VPS8: variants seen among roughly 807,000 people sequenced by gnomAD.
The protein encoded by VPS8 is vacuolar protein sorting-associated protein 8 homolog.
A neutral mutation model predicts 216.4 loss-of-function variants in VPS8; 129 were observed. The ratio of observed to expected loss-of-function variants is 0.60; its 90% CI spans 0.52 to 0.69. The LOEUF is 0.69. VPS8 is among the 30% of genes least tolerant of loss of function. The pLI, the probability that VPS8 is intolerant of heterozygous loss-of-function variation, is 0.00. For synonymous variants in VPS8, 571 were observed against 565.4 expected, an observed-to-expected ratio of 1.01 and a Z score of -0.14; for missense variants, 1,531 against 1,683.5, an observed-to-expected ratio of 0.91 and a Z score of 1.59.
In VPS8 at chr3:185,051,855, ATG is replaced by A; in HGVS notation, c.4138-15_4138-14del. 1 of 1,574,878 alleles carries A rather than the reference ATG, an allele frequency of 6.3e-7. No individual in the cohort carries two copies. The highest frequency in any genetic ancestry group is 1.2e-5 in the South Asian group (1 of 83,572). Reference sequence around the variant, plus strand: ...CTCTGCTCCCCACAAACCTTAGCTGATGTGTGTCCTTCCTTTGCAGCTGGCTC... The same window carrying A: ...CTCTGCTCCCCACAAACCTTAGCTGATGTGTCCTTCCTTTGCAGCTGGCTC... On this transcript the variant is annotated intron_variant, in intron 47 of 47. Transcript: ENST00000625842.
chr3:184,865,607 G>A (rs569959123), intron 16 of VPS8, among the ~76,000 whole-genome samples: 64 of 152,312 alleles, frequency 4.2e-4, no homozygotes, highest in African/African-American at 1.4e-3. Flanking sequence ...TGGCAAGGAT[G>A]TGGCGATATT....
At chr3:184,869,661 A>C in intron 20 of VPS8, 133 bp downstream of exon 20, 1 of 812,776 alleles carries the variant, frequency 1.2e-6, no homozygotes, top group South Asian at 1.8e-5. Flanking sequence ...ACACACACAC[A>C]GACACACACT....
At chr3:185,003,156 ATT>A (rs57940868) in intron 45 of VPS8, among the ~76,000 whole-genome samples, 2 of 128,494 alleles carry the variant, frequency 1.6e-5, no homozygotes, top group African/African-American at 3.0e-5. Context: ...ATTTTTTCTC[ATT>A]TTTTTTTTTT....
chr3:184,831,606 T>G (rs1228823444), intron 3 of VPS8, among the ~76,000 whole-genome samples: 2 of 152,194 alleles, frequency 1.3e-5, no homozygotes, highest in African/African-American at 4.8e-5. Context: ...CTTTCTAATT[T>G]CAGTGAGTAG....
At chr3:184,918,017 A>G (rs758760250) in intron 28 of VPS8, among the ~76,000 whole-genome samples, 6 of 152,198 alleles carry the variant, frequency 3.9e-5, no homozygotes, top group Admixed American at 3.3e-4. Context: ...GGGGGCATAC[A>G]AATGGATTGA....
intron 40 of VPS8, among the ~76,000 whole-genome samples, chr3:184,974,592 T>C (rs188915678): frequency 4.1e-4 from 62 of 152,238 alleles, no homozygotes; most frequent in African/African-American, 1.5e-3. Flanking sequence ...TTTGTTTTCG[T>C]TACCTGTGAT....
At chr3:184,963,340 C>T (rs972835655) in intron 37 of VPS8, among the ~76,000 whole-genome samples, 1 of 152,030 alleles carries the variant, frequency 6.6e-6, no homozygotes, top group Non-Finnish European at 1.5e-5. Flanking sequence ...TTTAAACTGC[C>T]TTTTCTGCTC....
At chr3:184,927,312 G>A (rs534151900) in intron 31 of VPS8, among the ~76,000 whole-genome samples, 1 of 152,242 alleles carries the variant, frequency 6.6e-6, no homozygotes, top group East Asian at 1.9e-4. Context: ...TGAGAGCTGT[G>A]CTGAAGTATG....
chr3:184,897,518 G>A (rs764689201), intron 23 of VPS8, among the ~76,000 whole-genome samples: 12 of 152,122 alleles, frequency 7.9e-5, no homozygotes, highest in Admixed American at 2.0e-4. Flanking sequence ...CGAAGATGTC[G>A]AATTAAGTAG....
chr3:185,023,815 CTG>C (rs945338978), intron 45 of VPS8, among the ~76,000 whole-genome samples: 6 of 152,146 alleles, frequency 3.9e-5, no homozygotes, highest in Non-Finnish European at 7.4e-5. Context: ...TCTAAAATCT[CTG>C]TATTTCAGCT....
intron 46 of VPS8, among the ~76,000 whole-genome samples, chr3:185,047,913 C>T (rs1676993864): frequency 6.6e-6 from 1 of 152,172 alleles, no homozygotes; most frequent in Non-Finnish European, 1.5e-5. Context: ...GAGAGAAGAA[C>T]CGCAGTTTGG....
intron 24 of VPS8, among the ~76,000 whole-genome samples, chr3:184,900,451 G>GT (rs1447936662): frequency 6.6e-6 from 1 of 152,184 alleles, no homozygotes; most frequent in Non-Finnish European, 1.5e-5. Context: ...CTAAGGATCA[G>GT]TTTTTTCCCA....
At chr3:184,963,590 GTTTTA>G (rs2109543837) in intron 37 of VPS8, among the ~76,000 whole-genome samples, 1 of 152,134 alleles carries the variant, frequency 6.6e-6, no homozygotes, top group South Asian at 2.1e-4. Context: ...AAGAATGGCA[GTTTTA>G]TTTTAATTCC....
intron 28 of VPS8, among the ~76,000 whole-genome samples, chr3:184,917,948 C>T (rs1298390695): frequency 1.3e-5 from 2 of 152,218 alleles, no homozygotes; most frequent in Non-Finnish European, 1.5e-5. Flanking sequence ...AGGCACACGT[C>T]CGAGAGGCTT....
chr3:184,864,002 A>G lies in VPS8; in HGVS notation c.1395+935A>G, dbSNP rs1205925841. 1.6e-4 allele frequency among the ~76,000 whole-genome samples: 25 copies of G among 152,122 alleles called. 1 individual carries two copies. The highest frequency in any genetic ancestry group is 1.6e-3 in the Admixed American group (25 of 15,258). On this transcript the variant is annotated intron_variant, in intron 16 of 47. Coordinates refer to ENST00000625842, the MANE Select transcript of VPS8 (RefSeq NM_001009921.3). ...GTGATAATAATAATTACTGTTCCAT[A>G]CTTTATTTTCTTGTGTTTGAATGGT...
Position 184,886,133 on chromosome 3 carries a change from T to C in VPS8, c.1758T>C (p.Asp586=). 6.2e-7 allele frequency: 1 copy of C among 1,609,860 alleles called. No individual in the cohort carries two copies. Among genetic ancestry groups the C allele is most frequent in the South Asian group, 1.1e-5 (1 of 89,774 alleles). ...AGGATATGGTGCCTGTCATAGTTGATTACTGCCTTCTGCTGCAGCGAAAGT... is the reference window on the plus strand; with the variant it reads ...AGGATATGGTGCCTGTCATAGTTGACTACTGCCTTCTGCTGCAGCGAAAGT... The part of the protein sequence containing the change: ...HFQDMVPVIV[D]YCLLLQRKDL... The change falls in exon 22 of 48, where the codon GAT becomes GAC. Residue 586 remains aspartate, a synonymous_variant. Transcript: ENST00000625842.
At chr3:184,870,849 T>G (rs1291957449) in intron 21 of VPS8, 44 bp downstream of exon 21, 1 of 1,487,790 alleles carries the variant, frequency 6.7e-7, no homozygotes, top group African/African-American at 1.4e-5. Context: ...TCTGGATAGG[T>G]CTAATACTCC....
Position 184,894,813 on chromosome 3 carries a change from T to C in VPS8, c.1892T>C (p.Ile631Thr). ...ATTTTAAGTGATAAATTGGTGGGAA[T>C]CACACCCCAAGTAATGAAAGACTTG... The part of the protein sequence containing the change: ...PYILSDKLVG[I>T]TPQVMKDLIV... Residue 631 changes from isoleucine (I) to threonine (T), a missense_variant, in exon 23 of 48, where the codon ATC becomes ACC. Coordinates refer to ENST00000625842, the MANE Select transcript of VPS8 (RefSeq NM_001009921.3). 6.2e-7 allele frequency: 1 copy of C among 1,610,790 alleles called. No individual in the cohort carries two copies. The highest frequency in any genetic ancestry group is 8.5e-7 in the Non-Finnish European group (1 of 1,178,340).
chr3:184,988,126 C>G (rs1410667046), intron 42 of VPS8, among the ~76,000 whole-genome samples: 2 of 152,150 alleles, frequency 1.3e-5, no homozygotes, highest in African/African-American at 4.8e-5. Context: ...TCTTTTTATT[C>G]TCTTAACAGT....
Sources: gnomAD v4.1 joint callset for allele counts (sites outside exome capture counted in the v4.1 genomes callset) on GRCh38, gnomAD v4.1.1 for gene constraint, MANE v1.5 for transcripts, NCBI Gene and HGNC (gene_info 2026-07-23, HGNC 2026-07-21) for gene names.